The following ROBO2 variants were observed in gnomAD, a reference collection of about 807,000 sequenced individuals.
The protein encoded by ROBO2 is roundabout homolog 2.
In ROBO2, 53 loss-of-function variants were observed where a neutral mutation model predicts 160.8. That is an observed-to-expected ratio of 0.33 (90% CI 0.26 to 0.41). ROBO2 has a LOEUF of 0.41. Among genes scored for constraint, ROBO2 ranks in the 10% least tolerant of loss-of-function variants. The pLI is 1.00. For synonymous variants in ROBO2, 664 were observed against 611.7 expected, an observed-to-expected ratio of 1.09 and a Z score of -1.26; for missense variants, 1,577 against 1,722.4, an observed-to-expected ratio of 0.92 and a Z score of 1.49.
intron 24 of ROBO2, among the ~76,000 whole-genome samples, chr3:77,637,339 C>G (rs989756735): frequency 6.6e-6 from 1 of 152,168 alleles, no homozygotes; most frequent in African/African-American, 2.4e-5. Context: ...AATCCTGCAG[C>G]CCTATTTGTG....
chr3:76,094,364 T>TC (rs1244357074), intron 2 of ROBO2, among the ~76,000 whole-genome samples: 2 of 152,176 alleles, frequency 1.3e-5, no homozygotes, highest in Admixed American at 6.5e-5. Context: ...CAGCAAATCT[T>TC]CCCAACAACA....
intron 2 of ROBO2, among the ~76,000 whole-genome samples, chr3:77,244,696 G>A (rs1454159769): frequency 6.6e-6 from 1 of 151,908 alleles, no homozygotes; most frequent in Non-Finnish European, 1.5e-5. Context: ...TGGCCAATAT[G>A]GTGAAACCCC....
intron 2 of ROBO2, among the ~76,000 whole-genome samples, chr3:76,240,292 C>A (rs572984304): frequency 3.3e-5 from 5 of 152,074 alleles, no homozygotes; most frequent in South Asian, 4.2e-4. Context: ...ACCCCCACCC[C>A]CCGACAGGCC....
intron 2 of ROBO2, among the ~76,000 whole-genome samples, chr3:77,277,882 C>T (rs945378419): frequency 6.6e-6 from 1 of 152,166 alleles, no homozygotes; most frequent in Non-Finnish European, 1.5e-5. Flanking sequence ...GGAATTGCCA[C>T]ACCATCTTCC....
exon 20 of ROBO2, chr3:77,602,482 G>T: frequency 1.2e-6 from 2 of 1,614,038 alleles, no homozygotes; most frequent in Non-Finnish European, 1.7e-6. Flanking sequence ...TCAGAACAAA[G>T]GTAACAATGG....
Position 77,425,121 on chromosome 3 carries a change from A to C in ROBO2, c.389-52293A>C, listed in dbSNP as rs1581833246. ...ATTTTCTCTATTGAATTATTTTTAA[A>C]TCACTTGAGAATCATCTGTTGAGTT... is the stretch of plus-strand genomic sequence containing the variant. On this transcript the variant is annotated intron_variant, in intron 2 of 25. Coordinates refer to ENST00000461745, the Ensembl canonical transcript of ROBO2. Among the ~76,000 whole-genome samples, 4 of 152,052 alleles carry C rather than the reference A, an allele frequency of 2.6e-5. No homozygotes were observed. In the East Asian group the frequency reaches 7.7e-4, roughly 29 times the overall value.
chr3:76,924,979 C>A (rs1157911823), intron 2 of ROBO2, among the ~76,000 whole-genome samples: 1 of 151,898 alleles, frequency 6.6e-6, no homozygotes, highest in South Asian at 2.1e-4. Flanking sequence ...GAGGCCGAGG[C>A]GGGCGGATCA....
At chr3:76,776,317 TA>T (rs1228229076) in intron 2 of ROBO2, among the ~76,000 whole-genome samples, 2 of 151,058 alleles carry the variant, frequency 1.3e-5, no homozygotes, top group African/African-American at 2.4e-5. Context: ...AGTAAAAACA[TA>T]TGTGTGAAGC....
intron 2 of ROBO2, among the ~76,000 whole-genome samples, chr3:76,421,572 C>A (rs2075997771): frequency 6.6e-6 from 1 of 151,742 alleles, no homozygotes; most frequent in Non-Finnish European, 1.5e-5. Context: ...ACTAAAAATA[C>A]AAAATTAGCC....
chr3:77,245,590 C>T (rs1490076189), intron 2 of ROBO2, among the ~76,000 whole-genome samples: 1 of 152,164 alleles, frequency 6.6e-6, no homozygotes, highest in Non-Finnish European at 1.5e-5. Flanking sequence ...AACGTACTGA[C>T]TCATTTAGCT....
At chr3:76,027,932 TCAAG>T (rs1338664519) in intron 2 of ROBO2, among the ~76,000 whole-genome samples, 1 of 151,944 alleles carries the variant, frequency 6.6e-6, no homozygotes, top group Non-Finnish European at 1.5e-5. Context: ...TCTGGAAACA[TCAAG>T]CAACCTATTT....
chr3:76,236,950 A>G (rs963454225), intron 2 of ROBO2, among the ~76,000 whole-genome samples: 2 of 152,080 alleles, frequency 1.3e-5, no homozygotes, highest in African/African-American at 4.8e-5. Context: ...ACATTTTATG[A>G]GTTAAATTAC....
intron 2 of ROBO2, chr3:76,435,166 T>G: frequency 9.8e-6 from 10 of 1,018,576 alleles, no homozygotes; most frequent in Admixed American, 1.7e-5. Context: ...GTGGGCATTG[T>G]GGAGATAATC....
At position 77,546,470 on chromosome 3, in the gene ROBO2, T is replaced by C. The variant is rs2092701630; in HGVS notation, c.1059+8T>C. 6.2e-7 allele frequency: 1 copy of C among 1,612,804 alleles called. No individual in the cohort carries two copies. Among genetic ancestry groups the C allele is most frequent in the African/African-American group, 1.3e-5 (1 of 74,848 alleles). ...CAGAAAGAAGGCAGCCAGGTGAGTG[T>C]GAGGCTTCACTGCTTTTCTGAAATC... On this transcript the variant is annotated splice_region_variant and intron_variant, in intron 7 of 25. Coordinates refer to ENST00000461745, the Ensembl canonical transcript of ROBO2.
At chr3:77,436,539 A>G (rs1266544542) in intron 2 of ROBO2, among the ~76,000 whole-genome samples, 1 of 151,848 alleles carries the variant, frequency 6.6e-6, no homozygotes, top group Non-Finnish European at 1.5e-5. Context: ...TTGCTACTTT[A>G]AGAATAAAAA....
chr3:76,443,855 G>A (rs2109153445), intron 2 of ROBO2, among the ~76,000 whole-genome samples: 1 of 152,142 alleles, frequency 6.6e-6, no homozygotes, highest in Admixed American at 6.6e-5. Context: ...GGTCTTTTCT[G>A]GAAAAGTTAC....
intron 2 of ROBO2, among the ~76,000 whole-genome samples, chr3:76,825,626 A>C (rs1046620758): frequency 7.5e-6 from 1 of 132,738 alleles, no homozygotes; most frequent in Non-Finnish European, 1.7e-5. Context: ...AAAAAAAAAA[A>C]AAAAAATGAA....
chr3:76,824,460 A>G (rs1054385183), intron 2 of ROBO2, among the ~76,000 whole-genome samples: 16 of 152,164 alleles, frequency 1.1e-4, no homozygotes, highest in African/African-American at 3.9e-4. Flanking sequence ...CTGCCACACC[A>G]GTTTCTTTTC....
intron 2 of ROBO2, among the ~76,000 whole-genome samples, chr3:76,124,309 A>G (rs556905717): frequency 2.0e-5 from 3 of 152,248 alleles, no homozygotes; most frequent in East Asian, 3.9e-4. Context: ...AGTGTTATTT[A>G]CAATGGATTA....
Sources: gnomAD v4.1 joint callset for allele counts (sites outside exome capture counted in the v4.1 genomes callset) on GRCh38, gnomAD v4.1.1 for gene constraint, MANE v1.5 for transcripts, NCBI Gene and HGNC (gene_info 2026-07-23, HGNC 2026-07-21) for gene names.